SRBD1: variants seen among roughly 807,000 people sequenced by gnomAD.
The protein encoded by SRBD1 is S1 RNA-binding domain-containing protein 1.
Under a neutral mutation model 115.3 loss-of-function variants are expected in SRBD1, and 88 were observed. That is an observed-to-expected ratio of 0.76 (90% confidence interval 0.64 to 0.91). The LOEUF (loss-of-function observed/expected upper bound fraction) is 0.91. SRBD1 is among the 40% of genes least tolerant of loss of function. SRBD1 has a pLI of 0.00. For missense variants in SRBD1, 1,385 were observed against 1,177.4 expected (o/e 1.18, Z -2.58); for synonymous variants, 509 against 407.7 (o/e 1.25, Z -2.99).
At chr2:45,427,859 A>G (rs1249257009) in intron 16 of SRBD1, among the ~76,000 whole-genome samples, 1 of 152,188 alleles carries the variant, frequency 6.6e-6, no homozygotes, top group Admixed American at 6.5e-5. Context: ...GCAAGTTCTT[A>G]GAGACCTACA....
At chr2:45,495,216 G>T (rs1034740667) in intron 14 of SRBD1, among the ~76,000 whole-genome samples, 1 of 152,110 alleles carries the variant, frequency 6.6e-6, no homozygotes, top group African/African-American at 2.4e-5. Flanking sequence ...ACCTAAAATG[G>T]ACAGACCCGA....
chr2:45,413,328 A>G lies in SRBD1; in HGVS notation c.2334-35T>C, dbSNP rs745345636. The G allele has an allele frequency of 4.4e-6, 7 of 1,586,658 alleles. No homozygotes were observed. In the East Asian group the frequency reaches 1.6e-4, roughly 36 times the overall value. The stretch of plus-strand genomic sequence containing the variant: ...ACCAGAAAAAACCACATTTATGAAA[A>G]GGGGAAGGTTGGGCAGAAAAGTCTT... On this transcript the variant is annotated intron_variant, in intron 18 of 20. Coordinates refer to ENST00000263736, the MANE Select transcript of SRBD1 (RefSeq NM_018079.5).
chr2:45,556,155 G>A (rs1429729198), intron 10 of SRBD1, among the ~76,000 whole-genome samples: 2 of 152,198 alleles, frequency 1.3e-5, no homozygotes, highest in South Asian at 2.1e-4. Flanking sequence ...CTTTTAGGCA[G>A]GATATACATC....
intron 9 of SRBD1, among the ~76,000 whole-genome samples, chr2:45,572,296 A>C (rs2104145695): frequency 6.6e-6 from 1 of 152,278 alleles, no homozygotes; most frequent in Non-Finnish European, 1.5e-5. Context: ...CTCTATAAAA[A>C]AATGAATGAA....
intron 19 of SRBD1, 72 bp from the exon 20 acceptor site, chr2:45,393,201 C>T (rs1405109183): frequency 7.0e-7 from 1 of 1,429,454 alleles, no homozygotes; most frequent in African/African-American, 1.4e-5. Flanking sequence ...ATACAGATCA[C>T]CCTAAAATTC....
chr2:45,531,052 G>T (rs1671597111), intron 14 of SRBD1, among the ~76,000 whole-genome samples: 2 of 151,752 alleles, frequency 1.3e-5, no homozygotes, highest in Non-Finnish European at 2.9e-5. Context: ...CACATACTAG[G>T]CTATCTCTCT....
At chr2:45,550,907 T>C (rs1011248228) in intron 12 of SRBD1, among the ~76,000 whole-genome samples, 5 of 152,190 alleles carry the variant, frequency 3.3e-5, no homozygotes, top group Admixed American at 2.0e-4. Context: ...TACTGAGATA[T>C]AGGAAGCATA....
chr2:45,427,941 T>C (rs1668208332), intron 16 of SRBD1, among the ~76,000 whole-genome samples: 2 of 152,256 alleles, frequency 1.3e-5, no homozygotes, highest in South Asian at 4.1e-4. Flanking sequence ...GACAGATGAA[T>C]GAGACAGAAA....
chr2:45,467,495 C>T (rs1320771070), intron 16 of SRBD1, among the ~76,000 whole-genome samples: 1 of 152,168 alleles, frequency 6.6e-6, no homozygotes, highest in Non-Finnish European at 1.5e-5. Context: ...CAACTCTGCC[C>T]TGTATATAAG....
Position 45,392,308 on chromosome 2 carries a change from G to A in SRBD1, c.2698+637C>T, listed in dbSNP as rs540452759. Among the ~76,000 whole-genome samples, 162 of 152,236 alleles carry A rather than the reference G, an allele frequency of 1.1e-3. 2 individuals are homozygous for A. Among genetic ancestry groups the A allele is most frequent in the Middle Eastern group, 0.01 (3 of 294 alleles). ...AAAACTGGTTATAAGACCAGTGAGC[G>A]GATTCATTTAAATCTCAGGGGTTCC... is the stretch of plus-strand genomic sequence containing the variant. On this transcript the variant is annotated intron_variant, in intron 20 of 20. Transcript: ENST00000263736.
intron 20 of SRBD1, among the ~76,000 whole-genome samples, chr2:45,392,235 C>T (rs774005046): frequency 6.6e-6 from 1 of 152,176 alleles, no homozygotes; most frequent in Non-Finnish European, 1.5e-5. Context: ...CATCTCAATG[C>T]AGCCTAAACC....
intron 17 of SRBD1, among the ~76,000 whole-genome samples, chr2:45,419,499 C>G (rs1432247472): frequency 6.6e-6 from 1 of 152,184 alleles, no homozygotes; most frequent in Non-Finnish European, 1.5e-5. Context: ...TGGGAAACAG[C>G]TCTTTTCCAT....
intron 14 of SRBD1, among the ~76,000 whole-genome samples, 199 bp downstream of exon 14, chr2:45,546,533 T>C (rs1672124290): frequency 6.6e-6 from 1 of 152,220 alleles, no homozygotes; most frequent in Non-Finnish European, 1.5e-5. Context: ...GACTCTGTCC[T>C]GCTCTAATCA....
chr2:45,599,356 C>T (rs1674012899), intron 4 of SRBD1, 93 bp downstream of exon 4: 2 of 1,488,906 alleles, frequency 1.3e-6, no homozygotes, highest in Non-Finnish European at 9.0e-7. Context: ...GAATTGAAAA[C>T]CCCCAGCCCT....
chr2:45,463,288 C>T (rs924030341), intron 16 of SRBD1, among the ~76,000 whole-genome samples: 9 of 152,166 alleles, frequency 5.9e-5, no homozygotes, highest in Middle Eastern at 3.2e-3. Flanking sequence ...GGCCTTCCTG[C>T]AGGATTATGC....
chr2:45,440,548 C>T (rs1251565349), intron 16 of SRBD1, among the ~76,000 whole-genome samples: 3 of 152,208 alleles, frequency 2.0e-5, no homozygotes, highest in Non-Finnish European at 4.4e-5. Context: ...AAACATAGTT[C>T]TGGCTCATGA....
chr2:45,558,090 C>T (rs1044469601), intron 10 of SRBD1, among the ~76,000 whole-genome samples: 2 of 152,256 alleles, frequency 1.3e-5, no homozygotes, highest in Non-Finnish European at 2.9e-5. Context: ...AAACCTACTA[C>T]ATGAAAAACA....
intron 2 of SRBD1, 97 bp downstream of exon 2, chr2:45,605,265 C>T (rs774215110): frequency 2.4e-6 from 3 of 1,236,806 alleles, no homozygotes; most frequent in East Asian, 2.4e-5. Context: ...GTTTTTTCTA[C>T]CCACATCACT....
chr2:45,408,458 C>G (rs890744734), intron 19 of SRBD1, among the ~76,000 whole-genome samples: 1 of 152,170 alleles, frequency 6.6e-6, no homozygotes, highest in African/African-American at 2.4e-5. Context: ...AAATACTTCA[C>G]AAATACCCTC....
Sources: gnomAD v4.1 joint callset for allele counts (sites outside exome capture counted in the v4.1 genomes callset) on GRCh38, gnomAD v4.1.1 for gene constraint, MANE v1.5 for transcripts, NCBI Gene and HGNC (gene_info 2026-07-23, HGNC 2026-07-21) for gene names.